POTEE: variants seen among roughly 807,000 people sequenced by gnomAD.
POTEE encodes the protein ANKRD26-like family C member 1A.
In POTEE, 21 loss-of-function variants were observed where a neutral mutation model predicts 74.2. That is an observed-to-expected ratio of 0.28 (90% CI 0.20 to 0.41). The LOEUF (loss-of-function observed/expected upper bound fraction) is 0.41, where lower values mean the gene tolerates loss of function less well. Ranked by LOEUF, POTEE falls within the 10% of genes least tolerant of loss-of-function variation. The pLI is 1.00. For missense variants in POTEE, 525 were observed against 1,158.6 expected (o/e 0.45, Z 7.94); for synonymous variants, 211 against 432.8 (o/e 0.49, Z 6.36).
At chr2:131,225,220 C>G (rs986925270) in intron 6 of POTEE, among the ~76,000 whole-genome samples, 2 of 152,012 alleles carry the variant, frequency 1.3e-5, no homozygotes, top group African/African-American at 2.4e-5. Context: ...TACAGTAAGT[C>G]TAATAAAGCC....
At chr2:131,263,037 A>G in intron 17 of POTEE, among the ~76,000 whole-genome samples, 1 of 151,650 alleles carries the variant, frequency 6.6e-6, no homozygotes, top group Non-Finnish European at 1.5e-5. Flanking sequence ...ACTCAGAAAA[A>G]GGCTTTTTTA....
At chr2:131,229,690 A>G (rs1010792851) in intron 8 of POTEE, 4 of 152,194 alleles carry the variant, frequency 2.6e-5, no homozygotes, top group Admixed American at 1.3e-4. Flanking sequence ...GGCAGCACAG[A>G]TCTTTGAAGC....
At chr2:131,262,860 G>A (rs1397649024) in intron 17 of POTEE, among the ~76,000 whole-genome samples, 4 of 152,280 alleles carry the variant, frequency 2.6e-5, no homozygotes, top group African/African-American at 4.8e-5. Context: ...ACGTTCTTCA[G>A]TAAAAGAAAC....
chr2:131,235,300 A>G (rs952637051), intron 9 of POTEE, among the ~76,000 whole-genome samples: 2 of 152,084 alleles, frequency 1.3e-5, no homozygotes, highest in African/African-American at 4.8e-5. Context: ...GTAAAATGTG[A>G]GTAAGATGAT....
intron 16 of POTEE, among the ~76,000 whole-genome samples, chr2:131,260,253 G>A (rs1475069865): frequency 7.3e-5 from 11 of 149,964 alleles, no homozygotes; most frequent in African/African-American, 2.8e-4. Flanking sequence ...GTAATGTGAT[G>A]CCAACATATT....
intron 16 of POTEE, among the ~76,000 whole-genome samples, chr2:131,260,499 T>G (rs1298032686): frequency 7.0e-6 from 1 of 142,678 alleles, no homozygotes; most frequent in South Asian, 2.2e-4. Context: ...TTTGGTGGTG[T>G]TTTCCAGTTA....
chr2:131,215,210 C>T (rs1425931236), intron 2 of POTEE, among the ~76,000 whole-genome samples: 2 of 152,046 alleles, frequency 1.3e-5, no homozygotes, highest in Non-Finnish European at 2.9e-5. Context: ...TATTTTTAAT[C>T]ATTTAAACGT....
chr2:131,230,787 T>A (rs767553710), intron 8 of POTEE, 49 bp from the exon 9 acceptor site: 30 of 1,568,272 alleles, frequency 1.9e-5, no homozygotes, highest in South Asian at 4.7e-5. Flanking sequence ...AAGTTTTTTT[T>A]ATATCAGTAT....
intron 4 of POTEE, among the ~76,000 whole-genome samples, chr2:131,219,468 C>A (rs971603762): frequency 2.0e-5 from 3 of 151,962 alleles, no homozygotes; most frequent in South Asian, 2.1e-4. Context: ...TGGCTGGGCG[C>A]GGTGGCTCAC....
Position 131,218,671 on chromosome 2 carries a change from C to T in POTEE, c.269C>T (p.Ala90Val). ...VGASGDHDDSAMKTLRNKMGK... is the reference protein window; with the variant it reads ...VGASGDHDDSVMKTLRNKMGK... ...GCTTCTGGAGACCACGACGACTCTG[C>T]TATGAAGACACTCAGGAACAAGATG... Residue 90 changes from alanine (A) to valine (V), a missense_variant, in exon 4 of 18, where the codon GCT (alanine) becomes GTT (valine). Physicochemically the swap from Ala to Val is moderately conservative, Grantham distance 64 (BLOSUM62 0). Coordinates refer to ENST00000683005, the MANE Select transcript of POTEE (RefSeq NM_001083538.3). 1.5e-6 allele frequency: 2 copies of T among 1,349,212 alleles called. No homozygotes were observed. The highest frequency in any genetic ancestry group is 2.1e-4 in the Middle Eastern group (1 of 4,672). The allele number at this position is 1,349,212 out of a possible 1,614,324, so 83.6% of individuals were successfully genotyped here.
chr2:131,248,597 CTAAG>C (rs1701408558), intron 13 of POTEE, among the ~76,000 whole-genome samples: 1 of 148,024 alleles, frequency 6.8e-6, no homozygotes, highest in South Asian at 2.3e-4. Flanking sequence ...TAGTTTGACT[CTAAG>C]TAATAAGACT....
At chr2:131,222,489 T>C (rs1034769769) in intron 4 of POTEE, among the ~76,000 whole-genome samples, 1 of 151,604 alleles carries the variant, frequency 6.6e-6, no homozygotes, top group African/African-American at 2.4e-5. Flanking sequence ...AATGAAATAA[T>C]CTGTACAACC....
intron 6 of POTEE, among the ~76,000 whole-genome samples, chr2:131,225,628 G>A: frequency 6.9e-6 from 1 of 145,596 alleles, no homozygotes; most frequent in Non-Finnish European, 1.5e-5. Context: ...ATGCAGTGGT[G>A]TGATCACAGC....
In POTEE at chr2:131,209,570, G is replaced by T. The variant is rs529897838; in HGVS notation, c.-594G>T. Among the ~76,000 whole-genome samples, 1 of 152,210 alleles carries T rather than the reference G, an allele frequency of 6.6e-6. No individual in the cohort carries two copies. The highest frequency in any genetic ancestry group is 2.4e-5 in the African/African-American group (1 of 41,454). On this transcript the variant is annotated 5_prime_UTR_variant, in exon 1 of 18. Coordinates refer to ENST00000683005, the MANE Select transcript of POTEE (RefSeq NM_001083538.3). ...TCTTAAGTGTGGGCGTTTGGTAACCGGCATGGCTGCTACCTGTTTCTGGCT... is the reference window on the plus strand; with the variant it reads ...TCTTAAGTGTGGGCGTTTGGTAACCTGCATGGCTGCTACCTGTTTCTGGCT...
chr2:131,233,667 CAT>C (rs1343903936), intron 9 of POTEE, among the ~76,000 whole-genome samples: 1 of 148,096 alleles, frequency 6.8e-6, no homozygotes, highest in East Asian at 2.0e-4. Context: ...TAAGAAATAA[CAT>C]TAATAGTTGG....
Position 131,229,085 on chromosome 2 carries a change from C to T in POTEE, c.1055+704C>T, listed in dbSNP as rs1385271997. Among the ~76,000 whole-genome samples the T allele has an allele frequency of 3.3e-5, 5 of 151,136 alleles. 1 individual carries two copies. The South Asian group carries it at 8.3e-4, about 25-fold the overall frequency. On this transcript the variant is annotated intron_variant, in intron 8 of 17. Transcript: ENST00000683005. ...GGCCGCTGGGCATCTTGACTTTATC[C>T]GCACACAAAGTGACCAAATTGACCC...
chr2:131,221,834 C>A (rs531041942), intron 4 of POTEE, among the ~76,000 whole-genome samples: 13 of 152,246 alleles, frequency 8.5e-5, no homozygotes, highest in African/African-American at 3.1e-4. Context: ...AAATGTATTG[C>A]ATTACTCGAC....
intron 8 of POTEE, among the ~76,000 whole-genome samples, chr2:131,230,373 G>C (rs962122633): frequency 6.6e-6 from 1 of 152,102 alleles, no homozygotes. Flanking sequence ...TAAAGTTTAG[G>C]AACAGATTAT....
intron 4 of POTEE, among the ~76,000 whole-genome samples, chr2:131,223,324 C>T (rs897667803): frequency 6.8e-6 from 1 of 146,564 alleles, no homozygotes; most frequent in African/African-American, 2.6e-5. Context: ...GGCTAAGCAA[C>T]AGCCAGGAAG....
Sources: gnomAD v4.1 joint callset for allele counts (sites outside exome capture counted in the v4.1 genomes callset) on GRCh38, gnomAD v4.1.1 for gene constraint, MANE v1.5 for transcripts, NCBI Gene and HGNC (gene_info 2026-07-23, HGNC 2026-07-21) for gene names.